The following AHNAK variants were observed in gnomAD, a reference collection of about 807,000 sequenced individuals.
AHNAK encodes the protein neuroblast differentiation-associated protein AHNAK.
Under a neutral mutation model 37.8 loss-of-function variants are expected in AHNAK, and 23 were observed. That is an observed-to-expected ratio of 0.61 (90% CI 0.44 to 0.86). The LOEUF (loss-of-function observed/expected upper bound fraction) is 0.86, where lower values mean the gene tolerates loss of function less well. Ranked by LOEUF, AHNAK falls within the 40% of genes least tolerant of loss-of-function variation. The probability of loss-of-function intolerance (pLI) is 0.00; values close to 1 mark genes in which losing one functional copy is unlikely to be tolerated. For missense variants in AHNAK, 7,411 were observed against 7,319.4 expected (o/e 1.01, Z -0.46); for synonymous variants, 2,481 against 2,636.3 (o/e 0.94, Z 1.80).
intron 4 of AHNAK, among the ~76,000 whole-genome samples, chr11:62,499,516 A>T (rs1386910492): frequency 1.3e-5 from 2 of 152,024 alleles, no homozygotes; most frequent in African/African-American, 2.4e-5. Flanking sequence ...GCACCACAGC[A>T]CTCCAGCCTG....
intron 1 of AHNAK, among the ~76,000 whole-genome samples, chr11:62,539,870 G>A (rs1229218542): frequency 6.6e-6 from 1 of 152,224 alleles, no homozygotes; most frequent in Non-Finnish European, 1.5e-5. Flanking sequence ...CCTCTCATCT[G>A]ACCTGGGCCA....
chr11:62,446,922 G>A (rs1410171703), intron 5 of AHNAK, among the ~76,000 whole-genome samples: 1 of 152,012 alleles, frequency 6.6e-6, no homozygotes, highest in Non-Finnish European at 1.5e-5. Context: ...TGCACCCAGT[G>A]ATGGTGCCAC....
chr11:62,437,977 G>A lies in AHNAK; in HGVS notation c.443-4086C>T, dbSNP rs776130613. The stretch of plus-strand genomic sequence containing the variant: ...AGTGGCATGATCATAGCTCACTGCA[G>A]CCTCAAACTCCTAGGCTCAAATGAT... On this transcript the variant is annotated intron_variant, in intron 5 of 5. Transcript: ENST00000257247. Among the ~76,000 whole-genome samples, 53 of 151,640 alleles carry A rather than the reference G, an allele frequency of 3.5e-4. 1 individual carries two copies. The highest frequency in any genetic ancestry group is 6.6e-4 in the Non-Finnish European group (45 of 67,954).
At chr11:62,484,630 A>G (rs985150596) in intron 5 of AHNAK, among the ~76,000 whole-genome samples, 2 of 152,146 alleles carry the variant, frequency 1.3e-5, no homozygotes, top group African/African-American at 4.8e-5. Context: ...TGAGGGAGGA[A>G]AAGATGGGGT....
In AHNAK at chr11:62,527,623, A is replaced by T; in HGVS notation, c.6794T>A (p.Val2265Glu). ...GFKGEGPEVD[V>E]NLPKADVDVS... is the part of the protein sequence containing the mutation. ...ATCAACGTCAGCCTTGGGCAAGTTC[A>T]CATCCACTTCTGGGCCCTCTCCTTT... Residue 2265 changes from valine (V) to glutamate (E), a missense_variant, in exon 5 of 5, where the codon GTG (valine) becomes GAG (glutamate). Physicochemically the swap from Val to Glu is moderately radical, Grantham distance 121. Transcript: ENST00000378024. 6.2e-7 allele frequency: 1 copy of T among 1,614,044 alleles called. No individual in the cohort carries two copies. Among genetic ancestry groups the T allele is most frequent in the Non-Finnish European group, 8.5e-7 (1 of 1,179,996 alleles).
intron 5 of AHNAK, among the ~76,000 whole-genome samples, chr11:62,436,918 G>A (rs1417462439): frequency 6.9e-6 from 1 of 145,324 alleles, no homozygotes; most frequent in African/African-American, 2.6e-5. Context: ...CAGCCTGGGT[G>A]ACTGAGCAAG....
intron 4 of AHNAK, among the ~76,000 whole-genome samples, chr11:62,507,824 G>C (rs1007977620): frequency 6.6e-6 from 1 of 152,210 alleles, no homozygotes; most frequent in Non-Finnish European, 1.5e-5. Context: ...AATGAGGTTT[G>C]ATAACTTGCC....
intron 4 of AHNAK, among the ~76,000 whole-genome samples, chr11:62,495,323 G>T (rs1939586997): frequency 3.3e-5 from 5 of 152,180 alleles, no homozygotes; most frequent in Admixed American, 3.3e-4. Context: ...AGCCAAAGTT[G>T]CCAGTATATT....
intron 4 of AHNAK, among the ~76,000 whole-genome samples, chr11:62,499,067 G>A (rs1338605933): frequency 1.3e-5 from 2 of 152,178 alleles, no homozygotes; most frequent in African/African-American, 4.8e-5. Context: ...CACTTCCTTT[G>A]GTGGGAGTGG....
chr11:62,517,536 ACCT>A lies in AHNAK; in HGVS notation c.16878_16880del (p.Gly5627del). On this transcript the variant is annotated inframe_deletion, in exon 5 of 5. Coordinates refer to ENST00000378024, the MANE Select transcript of AHNAK (RefSeq NM_001620.3). ...GGAGTCCAATCTGACCTCCTTTCAC[ACCT>A]CCTTCCACCTTTGGTCCTGAGAAAT... is the stretch of plus-strand genomic sequence containing the variant. The A allele has an allele frequency of 2.5e-6, 4 of 1,613,858 alleles. No homozygotes were observed. The highest frequency in any genetic ancestry group is 3.4e-6 in the Non-Finnish European group (4 of 1,179,962).
At chr11:62,506,721 T>C (rs1479280057) in intron 4 of AHNAK, among the ~76,000 whole-genome samples, 1 of 152,096 alleles carries the variant, frequency 6.6e-6, no homozygotes. Flanking sequence ...TCGTTACAAT[T>C]CAGATGATTT....
rs747726531 is a variant in AHNAK at position 62,518,856 on chromosome 11, G to A, written c.15561C>T (p.Phe5187=). The A allele has an allele frequency of 2.3e-5, 37 of 1,614,210 alleles. No individual in the cohort carries two copies. The highest frequency in any genetic ancestry group is 1.6e-4 in the African/African-American group (12 of 75,066). Reference sequence around the variant, plus strand: ...TGGAGACTTGAGGGGCAGAAATGCCGAAGGACGGTGTTTTGACTTTAGCAT... The same window carrying A: ...TGGAGACTTGAGGGGCAGAAATGCCAAAGGACGGTGTTTTGACTTTAGCAT... ...GLDAKVKTPS[F]GISAPQVSIP... is the part of the protein sequence containing the mutation. The change falls in exon 5 of 5, where the codon TTC becomes TTT. Residue 5187 remains phenylalanine (F), a synonymous_variant. Transcript: ENST00000378024.
Position 62,491,212 on chromosome 11 carries a change from G to T in AHNAK, c.442+520C>A, listed in dbSNP as rs1236892640. Among the ~76,000 whole-genome samples the T allele has an allele frequency of 3.8e-4, 58 of 152,032 alleles. 1 individual carries two copies. Among genetic ancestry groups the T allele is most frequent in the Admixed American group, 3.8e-3 (58 of 15,264 alleles). The stretch of plus-strand genomic sequence containing the variant: ...CTCCACGTAGCTCCCTATGACCCAG[G>T]ATTTCCATAGCCCACAGTCACTCAC... On this transcript the variant is annotated intron_variant, in intron 5 of 5. Coordinates refer to the AHNAK transcript ENST00000257247.
At chr11:62,469,165 A>G (rs1326979472) in intron 5 of AHNAK, among the ~76,000 whole-genome samples, 1 of 152,108 alleles carries the variant, frequency 6.6e-6, no homozygotes, top group East Asian at 1.9e-4. Flanking sequence ...TCTGTTGCCC[A>G]GGCTGGAGTG....
intron 5 of AHNAK, among the ~76,000 whole-genome samples, chr11:62,487,981 G>T (rs1212261339): frequency 6.6e-6 from 1 of 152,098 alleles, no homozygotes; most frequent in Admixed American, 6.6e-5. Context: ...GGGGAAAGAG[G>T]CGTCTCTGGC....
At chr11:62,443,996 C>T (rs535559933) in intron 5 of AHNAK, among the ~76,000 whole-genome samples, 4 of 152,234 alleles carry the variant, frequency 2.6e-5, no homozygotes, top group Admixed American at 2.0e-4. Context: ...ACGGGAGCTG[C>T]GAGGGCAGCA....
intron 5 of AHNAK, among the ~76,000 whole-genome samples, chr11:62,434,115 C>T (rs537400731): frequency 6.0e-4 from 92 of 152,180 alleles, no homozygotes; most frequent in South Asian, 4.4e-3. Flanking sequence ...GGTTTCTGTG[C>T]GGCAAGGGTG....
chr11:62,514,246 C>T (rs1939965921), downstream of AHNAK, among the ~76,000 whole-genome samples: 1 of 152,182 alleles, frequency 6.6e-6, no homozygotes, highest in South Asian at 2.1e-4. Flanking sequence ...CCCCACCCTC[C>T]AGACACCAGG....
intron 5 of AHNAK, among the ~76,000 whole-genome samples, chr11:62,469,310 G>A (rs956445481): frequency 6.6e-6 from 1 of 152,146 alleles, no homozygotes; most frequent in Admixed American, 6.6e-5. Flanking sequence ...TTAGTAAAGA[G>A]GATGTTTCAC....
Sources: allele counts gnomAD v4.1 joint callset (sites outside exome capture counted in the v4.1 genomes callset), GRCh38; gene constraint gnomAD v4.1.1; transcripts MANE v1.5; gene names NCBI Gene and HGNC (gene_info 2026-07-23, HGNC 2026-07-21).